Variants in RBFOX1 observed in about 807,000 individuals in gnomAD.
The protein encoded by RBFOX1 is RNA binding fox-1 homolog 1, also known as RNA binding protein fox-1 homolog 1.
Under a neutral mutation model 57.7 loss-of-function variants are expected in RBFOX1, and 8 were observed. The observed-to-expected ratio is 0.14, with a 90% CI of 0.08 to 0.25. RBFOX1 has a LOEUF of 0.25. Among genes scored for constraint, RBFOX1 ranks in the 10% least tolerant of loss-of-function variants. The pLI is 1.00. For missense variants in RBFOX1, 611 were observed against 548.5 expected, an observed-to-expected ratio of 1.11 and a Z score of -1.14; for synonymous variants, 326 against 222.4, an observed-to-expected ratio of 1.47 and a Z score of -4.15.
intron 1 of RBFOX1, among the ~76,000 whole-genome samples, chr16:5,249,289 C>T (rs1402203850): frequency 6.6e-6 from 1 of 152,126 alleles, no homozygotes; most frequent in African/African-American, 2.4e-5. Context: ...GGCTTCGTGT[C>T]CCCCTTTCCT....
intron 14 of RBFOX1, among the ~76,000 whole-genome samples, chr16:7,698,138 C>A (rs575576651): frequency 6.6e-6 from 1 of 151,908 alleles, no homozygotes; most frequent in Non-Finnish European, 1.5e-5. Flanking sequence ...TCCCTGAAAA[C>A]CCCAGACAGG....
chr16:6,698,744 G>T (rs2061412972), intron 3 of RBFOX1, among the ~76,000 whole-genome samples: 1 of 152,048 alleles, frequency 6.6e-6, no homozygotes, highest in Admixed American at 6.6e-5. Context: ...CCACATCTTT[G>T]TTCTGCCCTG....
intron 4 of RBFOX1, among the ~76,000 whole-genome samples, chr16:7,124,785 A>T (rs190947332): frequency 6.6e-6 from 1 of 152,068 alleles, no homozygotes; most frequent in African/African-American, 2.4e-5. Flanking sequence ...TGCACTTCCA[A>T]TGAAAACAGA....
chr16:7,657,956 G>C (rs749938150), intron 12 of RBFOX1, among the ~76,000 whole-genome samples: 8 of 152,162 alleles, frequency 5.3e-5, no homozygotes, highest in South Asian at 2.1e-4. Context: ...AAATAAGACT[G>C]GGCCCCAATA....
At chr16:7,464,885 G>A (rs1422765863) in intron 4 of RBFOX1, among the ~76,000 whole-genome samples, 2 of 151,604 alleles carry the variant, frequency 1.3e-5, no homozygotes, top group East Asian at 1.9e-4. Context: ...TTTTAGTAGA[G>A]ACGGGGTTTC....
rs139969760 is a variant in RBFOX1, at chr16:7,608,692, C to T, written c.676+1354C>T. Among the ~76,000 whole-genome samples, 397 of 152,268 alleles carry T rather than the reference C, an allele frequency of 2.6e-3. 1 individual carries two copies. The highest frequency in any genetic ancestry group is 9.1e-3 in the African/African-American group (380 of 41,572). ...GGGCAAGTTACTTAACCTCTCTGTG[C>T]CTCAGTTTCCTCATCTATTAAATGG... is the stretch of plus-strand genomic sequence containing the variant. On this transcript the variant is annotated intron_variant, in intron 10 of 15. Coordinates refer to ENST00000550418, the MANE Select transcript of RBFOX1 (RefSeq NM_018723.4).
At chr16:5,645,001 T>C (rs2048999988) in intron 3 of RBFOX1, among the ~76,000 whole-genome samples, 2 of 151,490 alleles carry the variant, frequency 1.3e-5, no homozygotes, top group Admixed American at 6.6e-5. Context: ...TTTGGGAGGC[T>C]GAGGCGAGTG....
intron 4 of RBFOX1, among the ~76,000 whole-genome samples, chr16:5,951,682 G>A (rs978150596): frequency 3.3e-5 from 5 of 152,034 alleles, no homozygotes; most frequent in Admixed American, 1.3e-4. Context: ...CCCTATGACC[G>A]TCCCCTGACT....
intron 2 of RBFOX1, among the ~76,000 whole-genome samples, chr16:6,498,750 AT>A (rs1406649010): frequency 6.6e-6 from 1 of 152,202 alleles, no homozygotes; most frequent in Non-Finnish European, 1.5e-5. Flanking sequence ...TAATAATTAT[AT>A]CTATAATAAT....
chr16:7,177,152 C>T (rs994389418), intron 4 of RBFOX1, among the ~76,000 whole-genome samples: 1 of 152,166 alleles, frequency 6.6e-6, no homozygotes, highest in African/African-American at 2.4e-5. Context: ...TGCTGACTGG[C>T]ATGCATTTTT....
At chr16:5,698,816 A>G (rs2050930582) in intron 3 of RBFOX1, among the ~76,000 whole-genome samples, 1 of 152,210 alleles carries the variant, frequency 6.6e-6, no homozygotes, top group Admixed American at 6.6e-5. Context: ...TGAACCTTGA[A>G]TACTTTGTTT....
chr16:6,763,501 C>T (rs1220756498), intron 3 of RBFOX1, among the ~76,000 whole-genome samples: 2 of 152,332 alleles, frequency 1.3e-5, no homozygotes, highest in Non-Finnish European at 1.5e-5. Context: ...TTTCTGACCT[C>T]TCCTCCAACC....
intron 1 of RBFOX1, among the ~76,000 whole-genome samples, chr16:6,312,679 T>G (rs1444423267): frequency 6.7e-6 from 1 of 148,274 alleles, no homozygotes; most frequent in African/African-American, 2.5e-5. Flanking sequence ...CTTCCTTCCT[T>G]CCTTCCTTCC....
intron 3 of RBFOX1, among the ~76,000 whole-genome samples, chr16:6,976,614 A>G (rs1005798685): frequency 3.3e-5 from 5 of 151,076 alleles, no homozygotes; most frequent in African/African-American, 1.2e-4. Flanking sequence ...CGTTCCCGAA[A>G]GTAAGAGGAA....
intron 3 of RBFOX1, among the ~76,000 whole-genome samples, chr16:5,781,246 A>G (rs1041644954): frequency 2.0e-5 from 3 of 152,166 alleles, no homozygotes; most frequent in Non-Finnish European, 4.4e-5. Flanking sequence ...TGCATCCTCT[A>G]AGTGGGGGAA....
chr16:6,568,433 G>T (rs565698042), intron 2 of RBFOX1, among the ~76,000 whole-genome samples: 6 of 152,106 alleles, frequency 3.9e-5, no homozygotes, highest in Non-Finnish European at 7.4e-5. Context: ...CAGAGAAAGC[G>T]GGGAGAGAAA....
chr16:6,923,997 C>T (rs777691486), intron 3 of RBFOX1, among the ~76,000 whole-genome samples: 2 of 152,068 alleles, frequency 1.3e-5, no homozygotes, highest in African/African-American at 4.8e-5. Context: ...TGGTGAAACC[C>T]TGTCTCTACT....
chr16:6,937,231 C>T (rs182693927), intron 3 of RBFOX1, among the ~76,000 whole-genome samples: 50 of 152,148 alleles, frequency 3.3e-4, no homozygotes, highest in African/African-American at 1.2e-3. Context: ...TATAATGAAT[C>T]CCTGGGTACT....
intron 2 of RBFOX1, among the ~76,000 whole-genome samples, chr16:6,625,354 G>C (rs1470936716): frequency 6.6e-6 from 1 of 152,012 alleles, no homozygotes; most frequent in African/African-American, 2.4e-5. Context: ...TGTAACTCTG[G>C]GTTTGAGACA....
Sources: allele counts gnomAD v4.1 joint callset (sites outside exome capture counted in the v4.1 genomes callset), GRCh38; gene constraint gnomAD v4.1.1; transcripts MANE v1.5; gene names NCBI Gene and HGNC (gene_info 2026-07-23, HGNC 2026-07-21).